The following MCM3AP variants were observed in gnomAD, a reference collection of about 807,000 sequenced individuals.
MCM3AP encodes the protein minichromosome maintenance complex component 3 associated protein.
In MCM3AP, 126 loss-of-function variants were observed where a neutral mutation model predicts 184.1. The ratio of observed to expected loss-of-function variants is 0.68; its 90% CI spans 0.59 to 0.79. The LOEUF (loss-of-function observed/expected upper bound fraction) is 0.79. Among genes scored for constraint, MCM3AP ranks in the 30% least tolerant of loss-of-function variants. The pLI, the probability that MCM3AP is intolerant of heterozygous loss-of-function variation, is 0.00. For synonymous variants in MCM3AP, 1,002 were observed against 979.3 expected (o/e 1.02, Z -0.43); for missense variants, 2,496 against 2,479.2 (o/e 1.01, Z -0.14).
chr21:46,251,113 T>G (rs2080860859), intron 20 of MCM3AP: 1 of 153,856 alleles, frequency 6.5e-6, no homozygotes, highest in Non-Finnish European at 1.4e-5. Context: ...TAATTTCCAG[T>G]AGATGAAATG....
chr21:46,243,797 A>G, intron 23 of MCM3AP, 75 bp from the exon 24 acceptor site: 3 of 1,460,722 alleles, frequency 2.1e-6, no homozygotes, highest in South Asian at 1.3e-5. Context: ...ACATTTTCTC[A>G]GGAGAAGGCA....
At chr21:46,276,510 C>T (rs1278867788) in intron 5 of MCM3AP, among the ~76,000 whole-genome samples, 2 of 152,200 alleles carry the variant, frequency 1.3e-5, no homozygotes, top group South Asian at 4.1e-4. Context: ...GGCACAATCT[C>T]GGCTCACCGC....
In MCM3AP at chr21:46,238,774, C is replaced by G. The variant is rs1372277147; in HGVS notation, c.5634-1795G>C. On this transcript the variant is annotated intron_variant, in intron 26 of 27. Coordinates refer to ENST00000291688, the MANE Select transcript of MCM3AP (RefSeq NM_003906.5). ...ATAGAGACTGATTTTAGTAATCGGACACATTCATTCACCCTTCCAAAACAT... is the reference window on the plus strand; with the variant it reads ...ATAGAGACTGATTTTAGTAATCGGAGACATTCATTCACCCTTCCAAAACAT... Among the ~76,000 whole-genome samples, 9 of 152,112 alleles carry G rather than the reference C, an allele frequency of 5.9e-5. 2 individuals carry two copies. Among genetic ancestry groups the G allele is most frequent in the Admixed American group, 5.9e-4 (9 of 15,268 alleles).
chr21:46,256,914 G>C lies in MCM3AP; in HGVS notation c.3807C>G (p.Cys1269Trp), dbSNP rs746160453. The C allele has an allele frequency of 3.7e-6, 6 of 1,610,630 alleles. No individual in the cohort carries two copies. The highest frequency in any genetic ancestry group is 5.1e-6 in the Non-Finnish European group (6 of 1,178,610). ...CCCTCAGCCGGTCGCTCACGTCCACGCAGCAGGGCGCAGCAGGGAAAGCCC... is the reference window on the plus strand; with the variant it reads ...CCCTCAGCCGGTCGCTCACGTCCACCCAGCAGGGCGCAGCAGGGAAAGCCC... ...QMRAFPAAPC[C>W]VDVSDRLRAL... is the part of the protein sequence containing the mutation. The change falls in exon 17 of 28, where the codon TGC becomes TGG. Residue 1269 changes from cysteine to tryptophan, a missense_variant. This residue lies in a region of MCM3AP where 1,323 missense variants were observed against 1,273.4 expected (regional missense o/e 1.04). Transcript: ENST00000291688.
chr21:46,256,118 C>G (rs1057176136), intron 17 of MCM3AP, among the ~76,000 whole-genome samples: 1 of 152,202 alleles, frequency 6.6e-6, no homozygotes, highest in East Asian at 1.9e-4. Context: ...CTCCCCAGTC[C>G]CCACCCACTG....
At chr21:46,286,262 A>AAACGCCGCGGACCGAC (rs2081426110), upstream of MCM3AP, 1 of 152,346 alleles carries the variant, frequency 6.6e-6, no homozygotes, top group Non-Finnish European at 1.5e-5. Context: ...CGCGGGCAGA[A>AAACGCCGCGGACCGAC]AACGCCGCGG....
rs781577014 is a variant in MCM3AP at position 46,285,149 on chromosome 21, A to T, written c.138T>A (p.Ser46=). 2 of 1,614,234 alleles carry T rather than the reference A, an allele frequency of 1.2e-6. No homozygotes were observed. The highest frequency in any genetic ancestry group is 3.3e-5 in the Admixed American group (2 of 60,028). The stretch of plus-strand genomic sequence containing the variant: ...CCTGTGAAAATCCCGAGCTCTTCCC[A>T]GATAAGGTACTGTTTTGTCCAAAAA... The part of the protein sequence containing the change: ...PSLFGQNSTL[S]GKSSGFSQVS... The change falls in exon 1 of 28, where the codon TCT becomes TCA. Residue 46 remains serine (S), a synonymous_variant. Coordinates refer to ENST00000291688, the MANE Select transcript of MCM3AP (RefSeq NM_003906.5).
chr21:46,254,063 T>C, intron 19 of MCM3AP: 1 of 332,108 alleles, frequency 3.0e-6, no homozygotes, highest in Non-Finnish European at 5.6e-6. Flanking sequence ...TCCACCATGA[T>C]TGTGGGTTTC....
chr21:46,261,128 C>A (rs1203259340), intron 14 of MCM3AP, 152 bp downstream of exon 14: 1 of 1,043,714 alleles, frequency 9.6e-7, no homozygotes, highest in Non-Finnish European at 1.4e-6. Flanking sequence ...CTCCATCCAC[C>A]CCCTGGGCTG....
intron 2 of MCM3AP, among the ~76,000 whole-genome samples, chr21:46,281,115 T>A (rs960253174): frequency 7.9e-5 from 12 of 152,180 alleles, no homozygotes; most frequent in Admixed American, 6.5e-4. Flanking sequence ...CCCTTTTTTT[T>A]AATTAACAAC....
In MCM3AP at chr21:46,243,856, G is replaced by A. The variant is rs181376743; in HGVS notation, c.5039-134C>T. The A allele has an allele frequency of 7.1e-5, 61 of 855,492 alleles. No individual in the cohort carries two copies. The East Asian group carries it at 1.4e-3, about 19-fold the overall frequency. 53.0% of individuals were successfully genotyped at this position (855,492 alleles called of 1,614,324 possible). On this transcript the variant is annotated intron_variant, in intron 23 of 27. Transcript: ENST00000291688. ...TTCTAAACACAGCAGAACCACAGTT[G>A]TTGAGGGGGAAGAGCAGCTTGCTCC...
chr21:46,258,699 C>T (rs1437726518), intron 16 of MCM3AP, among the ~76,000 whole-genome samples: 3 of 151,644 alleles, frequency 2.0e-5, no homozygotes, highest in Admixed American at 6.6e-5. Flanking sequence ...GTAGCCACCA[C>T]GTCCCAATCT....
rs915874640 is a variant in MCM3AP at position 46,261,471 on chromosome 21, AC to A, written c.3336-61del. 5.8e-4 allele frequency: 898 copies of A among 1,539,926 alleles called. 8 individuals carry two copies. The highest frequency in any genetic ancestry group is 1.2e-4 in the Non-Finnish European group (140 of 1,125,328). On this transcript the variant is annotated intron_variant, in intron 13 of 27. Coordinates refer to ENST00000291688, the MANE Select transcript of MCM3AP (RefSeq NM_003906.5). ...GAGTCAAGGCCGGGTGCGGTGGCTC[AC>A]GCCTGTAATCCCAGCACTTTGGGAG...
chr21:46,261,218 T>C lies in MCM3AP; in HGVS notation c.3467+62A>G, dbSNP rs192016384. The C allele has an allele frequency of 4.4e-6, 7 of 1,594,666 alleles. No individual in the cohort carries two copies. In the East Asian group the frequency reaches 1.6e-4, roughly 36 times the overall value. ...AATAGCAGGAGCATCGTGGCTAGGG[T>C]CAGTTCTTGCCTGTGTCCACACTGA... is the stretch of plus-strand genomic sequence containing the variant. On this transcript the variant is annotated intron_variant, in intron 14 of 27. Coordinates refer to ENST00000291688, the MANE Select transcript of MCM3AP (RefSeq NM_003906.5).
chr21:46,271,326 G>GTTT (rs375433728), intron 8 of MCM3AP, among the ~76,000 whole-genome samples: 5 of 132,178 alleles, frequency 3.8e-5, no homozygotes, highest in South Asian at 2.5e-4. Flanking sequence ...CCACACCTGG[G>GTTT]TTTTTTTTTT....
At position 46,243,482 on chromosome 21, in the gene MCM3AP, C is replaced by G; in HGVS notation, c.5279G>C (p.Arg1760Pro). Reference sequence around the variant, plus strand: ...CTAATTACCTGATGTAACAGGAAGCCGGGGGGGCGTCCAGTCTCTCAGCTT... The same window carrying G: ...CTAATTACCTGATGTAACAGGAAGCGGGGGGGGCGTCCAGTCTCTCAGCTT... ...NHKLRDWTPP[R>P]LPVTSEALSE... The change falls in exon 24 of 28, where the codon CGG (arginine) becomes CCG (proline). Residue 1760 changes from arginine to proline, a missense_variant. Physicochemically the swap from Arg to Pro is moderately radical, Grantham distance 103. This residue lies in a region of MCM3AP where 1,323 missense variants were observed against 1,273.4 expected (regional missense o/e 1.04). Transcript: ENST00000291688. The G allele has an allele frequency of 6.2e-7, 1 of 1,610,492 alleles. No homozygotes were observed. The highest frequency in any genetic ancestry group is 1.7e-5 in the Admixed American group (1 of 59,824).
chr21:46,254,571 T>C (rs752773847), intron 18 of MCM3AP, 45 bp from the exon 19 acceptor site: 9 of 1,609,430 alleles, frequency 5.6e-6, no homozygotes, highest in African/African-American at 1.3e-5. Context: ...TGTGAGACCC[T>C]TGCAGGAGCA....
chr21:46,236,009 G>A (rs2080517552), intron 27 of MCM3AP, among the ~76,000 whole-genome samples: 1 of 152,192 alleles, frequency 6.6e-6, no homozygotes, highest in Admixed American at 6.5e-5. Flanking sequence ...TGTTTAATCA[G>A]ACTCCCATCT....
At chr21:46,265,235 C>T (rs1601524953) in intron 12 of MCM3AP, 86 bp downstream of exon 12, 5 of 1,301,596 alleles carry the variant, frequency 3.8e-6, no homozygotes, top group Non-Finnish European at 5.4e-6. Context: ...CCAGGCGCCA[C>T]AGCCCCACCT....
Sources: gnomAD v4.1 joint callset for allele counts (sites outside exome capture counted in the v4.1 genomes callset) on GRCh38, gnomAD v4.1.1 for gene constraint, gnomAD v4.1.1 regional missense constraint, MANE v1.5 for transcripts, NCBI Gene and HGNC (gene_info 2026-07-23, HGNC 2026-07-21) for gene names.